Variants in AGAP1 observed in about 807,000 individuals in gnomAD.
AGAP1 encodes the protein arf-GAP with GTPase, ANK repeat and PH domain-containing protein 1.
Under a neutral mutation model 105.3 loss-of-function variants are expected in AGAP1, and 29 were observed. The observed-to-expected ratio is 0.28, with a 90% CI of 0.21 to 0.38. The LOEUF (loss-of-function observed/expected upper bound fraction) is 0.38. Ranked by LOEUF, AGAP1 falls within the 10% of genes least tolerant of loss-of-function variation. The pLI is 1.00. For synonymous variants in AGAP1, 509 were observed against 485.9 expected, an observed-to-expected ratio of 1.05 and a Z score of -0.63; for missense variants, 998 against 1,165.1, an observed-to-expected ratio of 0.86 and a Z score of 2.09.
At position 235,512,075 on chromosome 2, in the gene AGAP1, G is replaced by C. The variant is rs375615916; in HGVS notation, c.163+17226G>C. 2.8e-3 allele frequency among the ~76,000 whole-genome samples: 369 copies of C among 130,338 alleles called. 1 individual carries two copies. Among genetic ancestry groups the C allele is most frequent in the African/African-American group, 0.011 (352 of 32,936 alleles). 85.5% of individuals were successfully genotyped at this position (130,338 alleles called of 152,430 possible). On this transcript the variant is annotated intron_variant, in intron 1 of 17. Coordinates refer to ENST00000304032, the MANE Select transcript of AGAP1 (RefSeq NM_001037131.3). Reference sequence around the variant, plus strand: ...TGTGTGAATGCGTATGTGTGAATGTGAATGCGTGTGTGAATGTGTGTGTGT... The same window carrying C: ...TGTGTGAATGCGTATGTGTGAATGTCAATGCGTGTGTGAATGTGTGTGTGT...
intron 1 of AGAP1, among the ~76,000 whole-genome samples, chr2:235,548,260 A>G (rs1270385057): frequency 6.6e-6 from 1 of 152,140 alleles, no homozygotes; most frequent in East Asian, 1.9e-4. Flanking sequence ...AGTGTCGCTC[A>G]TGTAAAATGC....
chr2:236,022,602 T>G, intron 13 of AGAP1, among the ~76,000 whole-genome samples: 1 of 152,202 alleles, frequency 6.6e-6, no homozygotes, highest in East Asian at 1.9e-4. Flanking sequence ...TGGCACAGTC[T>G]CCGCTCACTG....
chr2:235,518,348 C>CT (rs1357251068), intron 1 of AGAP1, among the ~76,000 whole-genome samples: 1 of 152,204 alleles, frequency 6.6e-6, no homozygotes. Flanking sequence ...TCTCTGAATG[C>CT]TTTTATAAAG....
At chr2:236,018,873 G>A (rs377139245) in intron 13 of AGAP1, among the ~76,000 whole-genome samples, 8 of 152,302 alleles carry the variant, frequency 5.3e-5, no homozygotes, top group East Asian at 1.9e-4. Context: ...GGGCCAGATC[G>A]CTGGAACCCA....
chr2:236,121,107 G>A lies in AGAP1; in HGVS notation c.2370+660G>A, dbSNP rs541261488. On this transcript the variant is annotated intron_variant, in intron 17 of 17. Coordinates refer to ENST00000304032, the MANE Select transcript of AGAP1 (RefSeq NM_001037131.3). This position sits in a 1 kb window ranked among gnomAD's most constrained non-coding sequence, Gnocchi z 4.9. ...CACCAGAGGCAGGCAGAAAGCTGCC[G>A]GCAGGGAGGCTCCCCAGATAGGGAA... 2.7e-4 allele frequency among the ~76,000 whole-genome samples: 41 copies of A among 152,264 alleles called. No homozygotes were observed. The highest frequency in any genetic ancestry group is 9.1e-4 in the African/African-American group (38 of 41,560).
At chr2:235,588,536 A>G (rs568935694) in intron 1 of AGAP1, among the ~76,000 whole-genome samples, 1 of 152,278 alleles carries the variant, frequency 6.6e-6, no homozygotes, top group Non-Finnish European at 1.5e-5. Context: ...TCCAAATAGT[A>G]AAATCTGGAT....
At chr2:235,826,206 C>T (rs1959053565) in intron 9 of AGAP1, among the ~76,000 whole-genome samples, 1 of 152,186 alleles carries the variant, frequency 6.6e-6, no homozygotes, top group South Asian at 2.1e-4. Context: ...CTTTATCCCT[C>T]ATAGATTCCT....
At chr2:235,521,865 AAGG>A (rs1198727307) in intron 1 of AGAP1, among the ~76,000 whole-genome samples, 6 of 151,824 alleles carry the variant, frequency 4.0e-5, no homozygotes, top group Non-Finnish European at 8.8e-5. Flanking sequence ...GATGCCTAGA[AAGG>A]AGGATTGCTA....
chr2:236,013,525 A>G (rs2317306), intron 13 of AGAP1, among the ~76,000 whole-genome samples: 31,581 of 152,168 alleles, frequency 0.21, 3,550 homozygotes, highest in South Asian at 0.28. Context: ...TTTGGGAACC[A>G]GAGGGCCAGC....
intron 9 of AGAP1, among the ~76,000 whole-genome samples, chr2:235,846,912 G>A (rs1248460229): frequency 6.6e-6 from 1 of 152,200 alleles, no homozygotes; most frequent in Non-Finnish European, 1.5e-5. Flanking sequence ...ACAGGCATGA[G>A]CCACTGCGCC....
In AGAP1 at chr2:235,659,766, A is replaced by G. The variant is rs1947888681; in HGVS notation, c.164-49413A>G. Among the ~76,000 whole-genome samples the G allele has an allele frequency of 6.6e-6, 1 of 152,202 alleles. No individual in the cohort carries two copies. Among genetic ancestry groups the G allele is most frequent in the Non-Finnish European group, 1.5e-5 (1 of 68,038 alleles). On this transcript the variant is annotated intron_variant, in intron 1 of 17. Coordinates refer to ENST00000304032, the MANE Select transcript of AGAP1 (RefSeq NM_001037131.3). The surrounding 1 kb of genome is among the most constrained non-coding windows in gnomAD (Gnocchi z 5.0). The stretch of plus-strand genomic sequence containing the variant: ...CTTCTAAGCCCTGGATCAATAGTGT[A>G]TATTTCTTTGTCTCTCAGTTGGGGC...
At chr2:235,674,693 CTT>C (rs201019044) in intron 1 of AGAP1, among the ~76,000 whole-genome samples, 37 of 136,198 alleles carry the variant, frequency 2.7e-4, no homozygotes, top group Non-Finnish European at 2.7e-4. Flanking sequence ...GGGTGATAGA[CTT>C]TTTTTTTTTT....
rs183255980 is a variant in AGAP1 at position 235,904,969 on chromosome 2, A to G, written c.1156-3769A>G. Reference sequence around the variant, plus strand: ...ATTGGCTATTTTAAATACCGATTTTATTTATTTTTTTTTTTTAGAGCTAGT... The same window carrying G: ...ATTGGCTATTTTAAATACCGATTTTGTTTATTTTTTTTTTTTAGAGCTAGT... On this transcript the variant is annotated intron_variant, in intron 10 of 17. Coordinates refer to ENST00000304032, the MANE Select transcript of AGAP1 (RefSeq NM_001037131.3). This position sits in a 1 kb window ranked among gnomAD's most constrained non-coding sequence, Gnocchi z 4.2. Among the ~76,000 whole-genome samples, 65 of 151,914 alleles carry G rather than the reference A, an allele frequency of 4.3e-4. 1 individual carries two copies. The highest frequency in any genetic ancestry group is 1.4e-3 in the African/African-American group (59 of 41,390).
intron 1 of AGAP1, among the ~76,000 whole-genome samples, chr2:235,666,768 C>G (rs890385023): frequency 6.6e-6 from 1 of 151,526 alleles, no homozygotes; most frequent in Non-Finnish European, 1.5e-5. Context: ...AGGAATACTA[C>G]CTTATTTTTT....
At chr2:235,806,246 G>A (rs1055450015) in intron 8 of AGAP1, among the ~76,000 whole-genome samples, 6 of 152,170 alleles carry the variant, frequency 3.9e-5, no homozygotes, top group African/African-American at 7.2e-5. Context: ...TGAAAAGCAC[G>A]TGAAAATGTT....
chr2:235,515,912 G>A (rs1942359330), intron 1 of AGAP1, among the ~76,000 whole-genome samples: 1 of 152,190 alleles, frequency 6.6e-6, no homozygotes, highest in South Asian at 2.1e-4. Context: ...CTCAGCAACA[G>A]CGACTTAAGG....
At chr2:235,585,404 C>T (rs1945074345) in intron 1 of AGAP1, among the ~76,000 whole-genome samples, 1 of 152,138 alleles carries the variant, frequency 6.6e-6, no homozygotes, top group African/African-American at 2.4e-5. Context: ...TACATTGGAC[C>T]CACCTGTGTA....
Position 235,904,872 on chromosome 2 carries a change from G to A in AGAP1, c.1156-3866G>A, listed in dbSNP as rs762945138. Among the ~76,000 whole-genome samples the A allele has an allele frequency of 6.6e-6, 1 of 152,150 alleles. No homozygotes were observed. The highest frequency in any genetic ancestry group is 1.5e-5 in the Non-Finnish European group (1 of 68,018). ...CCACCTGTGTGTGAAGCGCTGAGTCGGAGGGCTTTTATTGAGTAGGAAATG... is the reference window on the plus strand; with the variant it reads ...CCACCTGTGTGTGAAGCGCTGAGTCAGAGGGCTTTTATTGAGTAGGAAATG... On this transcript the variant is annotated intron_variant, in intron 10 of 17. Coordinates refer to ENST00000304032, the MANE Select transcript of AGAP1 (RefSeq NM_001037131.3). The surrounding 1 kb of genome is among the most constrained non-coding windows in gnomAD (Gnocchi z 4.2).
rs1341465534 is a variant in AGAP1, at chr2:236,042,848, G to A, written c.1891+2007G>A. ...AGGAGAAAGAGGCGATACCAAGCAC[G>A]CATTTGCTAAATGTGTGGTCTGTGT... is the stretch of plus-strand genomic sequence containing the variant. On this transcript the variant is annotated intron_variant, in intron 15 of 17. Transcript: ENST00000304032. The surrounding 1 kb of genome is among the most constrained non-coding windows in gnomAD (Gnocchi z 5.6). Among the ~76,000 whole-genome samples, 5 of 152,336 alleles carry A rather than the reference G, an allele frequency of 3.3e-5. No homozygotes were observed. The highest frequency in any genetic ancestry group is 3.4e-3 in the Middle Eastern group (1 of 294).
Sources: gnomAD v4.1 joint callset for allele counts (sites outside exome capture counted in the v4.1 genomes callset) on GRCh38, gnomAD v4.1.1 for gene constraint, Gnocchi (gnomAD v3.1) non-coding constraint, MANE v1.5 for transcripts, NCBI Gene and HGNC (gene_info 2026-07-23, HGNC 2026-07-21) for gene names.